Variants in EEF1AKMT1 observed in about 807,000 individuals in gnomAD.
EEF1AKMT1 encodes the protein N-6 adenine-specific DNA methyltransferase 2 (putative).
Under a neutral mutation model 21.0 loss-of-function variants are expected in EEF1AKMT1, and 18 were observed. The ratio of observed to expected loss-of-function variants is 0.86; its 90% CI spans 0.59 to 1.27. The LOEUF is 1.27. Among genes scored for constraint, EEF1AKMT1 ranks in the 50% most tolerant of loss-of-function variants. EEF1AKMT1 has a pLI of 0.00. For synonymous variants in EEF1AKMT1, 109 were observed against 94.8 expected (o/e 1.15, Z -0.87); for missense variants, 246 against 258.6 (o/e 0.95, Z 0.33).
At chr13:20,760,600 A>C (rs2058996548) in intron 1 of EEF1AKMT1, among the ~76,000 whole-genome samples, 2 of 152,188 alleles carry the variant, frequency 1.3e-5, no homozygotes, top group Admixed American at 1.3e-4. Flanking sequence ...ATTATGTTCA[A>C]TATTGGGTGA....
intron 2 of EEF1AKMT1, among the ~76,000 whole-genome samples, chr13:20,748,715 G>GGTTTGTTTTTTTTTT (rs1555326495): frequency 5.7e-5 from 6 of 105,808 alleles, no homozygotes; most frequent in African/African-American, 2.2e-4. Context: ...ATGTATAGTT[G>GGTTTGTTTTTTTTTT]TTTTTTTTTG....
intron 3 of EEF1AKMT1, 43 bp from the exon 4 acceptor site, chr13:20,732,164 G>A (rs1171203419): frequency 6.4e-7 from 1 of 1,558,214 alleles, no homozygotes; most frequent in South Asian, 1.2e-5. Context: ...CCTTAACAGA[G>A]AGATTACGGT....
At chr13:20,764,919 C>CA (rs1181708175) in intron 1 of EEF1AKMT1, among the ~76,000 whole-genome samples, 2 of 91,822 alleles carry the variant, frequency 2.2e-5, no homozygotes, top group African/African-American at 3.6e-5. Context: ...ACACACACAC[C>CA]CTAATTTTGA....
At chr13:20,742,840 T>C (rs1239565696) in intron 2 of EEF1AKMT1, among the ~76,000 whole-genome samples, 1 of 152,170 alleles carries the variant, frequency 6.6e-6, no homozygotes, top group African/African-American at 2.4e-5. Flanking sequence ...CCTGGTATCT[T>C]TGGCTGGTGG....
intron 1 of EEF1AKMT1, among the ~76,000 whole-genome samples, chr13:20,768,723 T>A (rs940855700): frequency 6.6e-6 from 1 of 152,018 alleles, no homozygotes; most frequent in African/African-American, 2.4e-5. Context: ...AAGGCTTAGA[T>A]GGTAAATAGT....
chr13:20,773,661 T>G (rs1425252092), intron 1 of EEF1AKMT1, among the ~76,000 whole-genome samples: 6 of 152,198 alleles, frequency 3.9e-5, no homozygotes, highest in Non-Finnish European at 7.3e-5. Context: ...GGCGCCAACG[T>G]GCGCGGCACA....
chr13:20,754,746 A>T (rs28614015), intron 2 of EEF1AKMT1, among the ~76,000 whole-genome samples: 14 of 68,224 alleles, frequency 2.1e-4, no homozygotes, highest in Non-Finnish European at 3.8e-4. Flanking sequence ...AAATACAAAA[A>T]AAAAAAAAAA....
chr13:20,765,393 T>G (rs2141438226), intron 1 of EEF1AKMT1, among the ~76,000 whole-genome samples: 1 of 150,630 alleles, frequency 6.6e-6, no homozygotes, highest in South Asian at 2.1e-4. Flanking sequence ...TGCTTTCTGT[T>G]TCTTCCCTTG....
chr13:20,759,795 A>G (rs1376618063), intron 1 of EEF1AKMT1, among the ~76,000 whole-genome samples: 1 of 152,120 alleles, frequency 6.6e-6, no homozygotes, highest in African/African-American at 2.4e-5. Context: ...ACCAGTCGGA[A>G]TGGCTATTAT....
At chr13:20,745,570 G>T (rs138676157) in intron 2 of EEF1AKMT1, among the ~76,000 whole-genome samples, 1 of 152,278 alleles carries the variant, frequency 6.6e-6, no homozygotes, top group East Asian at 1.9e-4. Context: ...AAGATGGCAG[G>T]CCAGGCACGG....
intron 2 of EEF1AKMT1, among the ~76,000 whole-genome samples, chr13:20,752,993 G>C (rs35098509): frequency 1.3e-5 from 2 of 151,762 alleles, no homozygotes; most frequent in Admixed American, 6.6e-5. Flanking sequence ...GGACTGGTTT[G>C]TTCTTGCTTT....
At position 20,739,076 on chromosome 13, in the gene EEF1AKMT1, G is replaced by C. The variant is rs138550584; in HGVS notation, c.145-1271C>G. Among the ~76,000 whole-genome samples, 8 of 152,144 alleles carry C rather than the reference G, an allele frequency of 5.3e-5. No individual in the cohort carries two copies. In the East Asian group the frequency reaches 1.3e-3, roughly 26 times the overall value. On this transcript the variant is annotated intron_variant, in intron 2 of 4. Transcript: ENST00000382758. ...TTCCTCCTGGGGGGGTCGTGGTCTCGCTGGCTTCAGGAGTGAAGCTGCAGA... is the reference window on the plus strand; with the variant it reads ...TTCCTCCTGGGGGGGTCGTGGTCTCCCTGGCTTCAGGAGTGAAGCTGCAGA...
chr13:20,729,304 A>G, intron 4 of EEF1AKMT1, 88 bp from the exon 5 acceptor site: 1 of 1,486,582 alleles, frequency 6.7e-7, no homozygotes, highest in Non-Finnish European at 9.2e-7. Flanking sequence ...CTCTAGGCGG[A>G]CCACCGGTGG....
intron 3 of EEF1AKMT1, among the ~76,000 whole-genome samples, chr13:20,736,731 G>T (rs1595012991): frequency 1.8e-5 from 2 of 113,938 alleles, no homozygotes; most frequent in Non-Finnish European, 1.7e-5. Flanking sequence ...AGAACCATTT[G>T]ACTTTTTTTT....
chr13:20,752,567 T>C (rs1007174831), intron 2 of EEF1AKMT1, among the ~76,000 whole-genome samples: 1 of 152,152 alleles, frequency 6.6e-6, no homozygotes, highest in Non-Finnish European at 1.5e-5. Context: ...TTGAGGACTT[T>C]TGTGTCTATA....
chr13:20,764,311 TA>T (rs2059016184), intron 1 of EEF1AKMT1, among the ~76,000 whole-genome samples: 1 of 152,210 alleles, frequency 6.6e-6, no homozygotes, highest in African/African-American at 2.4e-5. Context: ...CCCATATATT[TA>T]GAAGGACACT....
intron 3 of EEF1AKMT1, among the ~76,000 whole-genome samples, chr13:20,735,954 T>C (rs1022405009): frequency 3.3e-5 from 5 of 151,470 alleles, no homozygotes; most frequent in South Asian, 2.1e-4. Context: ...TCCCAGAAAG[T>C]AGACAATGAA....
At chr13:20,755,555 C>T (rs994562300) in intron 2 of EEF1AKMT1, among the ~76,000 whole-genome samples, 4 of 152,214 alleles carry the variant, frequency 2.6e-5, no homozygotes, top group African/African-American at 9.6e-5. Flanking sequence ...TAATTGATCC[C>T]TGTCAAGCAG....
chr13:20,743,678 G>A (rs976516348), intron 2 of EEF1AKMT1, among the ~76,000 whole-genome samples: 3 of 129,290 alleles, frequency 2.3e-5, no homozygotes, highest in African/African-American at 5.8e-5. Context: ...TTTTTTTCTC[G>A]TATTTTTATT....
Sources: allele counts gnomAD v4.1 joint callset (sites outside exome capture counted in the v4.1 genomes callset), GRCh38; gene constraint gnomAD v4.1.1; transcripts MANE v1.5; gene names NCBI Gene and HGNC (gene_info 2026-07-23, HGNC 2026-07-21).